PDE4D: variants seen among roughly 807,000 people sequenced by gnomAD.
PDE4D encodes 3',5'-cyclic-AMP phosphodiesterase 4D.
A neutral mutation model predicts 87.4 loss-of-function variants in PDE4D; 24 were observed. The observed-to-expected ratio is 0.27, with a 90% CI of 0.20 to 0.39. PDE4D has a LOEUF of 0.39. Among genes scored for constraint, PDE4D ranks in the 10% least tolerant of loss-of-function variants. PDE4D has a pLI of 1.00. For missense variants in PDE4D, 714 were observed against 1,041.0 expected (o/e 0.69, Z 4.32); for synonymous variants, 384 against 383.2 (o/e 1.00, Z -0.02).
At chr5:59,639,116 AT>A (rs1474048654) in intron 1 of PDE4D, among the ~76,000 whole-genome samples, 8 of 152,234 alleles carry the variant, frequency 5.3e-5, no homozygotes, top group African/African-American at 1.9e-4. Flanking sequence ...TTATTTAATA[AT>A]TTTTTATAAT....
chr5:59,979,397 ATATC>A (rs1047059791), intron 3 of PDE4D, among the ~76,000 whole-genome samples: 3 of 137,384 alleles, frequency 2.2e-5, no homozygotes, highest in African/African-American at 7.6e-5. Flanking sequence ...TTTAATATCT[ATATC>A]TAGCTTTCAC....
intron 3 of PDE4D, among the ~76,000 whole-genome samples, chr5:59,955,315 T>C (rs968817874): frequency 6.6e-6 from 1 of 152,190 alleles, no homozygotes; most frequent in Non-Finnish European, 1.5e-5. Flanking sequence ...CAAGTAGTGA[T>C]CATTTCAACT....
chr5:59,426,394 C>A (rs1302528728), intron 1 of PDE4D, among the ~76,000 whole-genome samples: 2 of 152,192 alleles, frequency 1.3e-5, no homozygotes, highest in African/African-American at 4.8e-5. Context: ...CTCACACTTA[C>A]TGTATTCCTT....
intron 1 of PDE4D, among the ~76,000 whole-genome samples, chr5:59,497,302 C>T (rs556601447): frequency 1.1e-4 from 16 of 152,230 alleles, no homozygotes; most frequent in African/African-American, 3.4e-4. Flanking sequence ...TTACCACCTC[C>T]AGAGAATCTC....
At chr5:59,768,712 C>G (rs1012666256) in intron 1 of PDE4D, 2 of 1,270,658 alleles carry the variant, frequency 1.6e-6, no homozygotes, top group African/African-American at 3.0e-5. Flanking sequence ...TAAACGTCAC[C>G]CCTCCTCTCC....
intron 2 of PDE4D, among the ~76,000 whole-genome samples, chr5:60,108,553 T>C (rs1192494652): frequency 6.6e-6 from 1 of 152,108 alleles, no homozygotes; most frequent in African/African-American, 2.4e-5. Flanking sequence ...CGTTGCCAAA[T>C]GAATCCTAAG....
At position 60,274,339 on chromosome 5, in the gene PDE4D, C is replaced by CGTT. The variant is rs34740331; in HGVS notation, c.-89-88655_-89-88653dup. 2.3e-3 allele frequency among the ~76,000 whole-genome samples: 344 copies of CGTT among 150,272 alleles called. 3 individuals carry two copies. The highest frequency in any genetic ancestry group is 5.1e-3 in the African/African-American group (207 of 40,872). ...TTGTTGTTATTTGTTTGGTTCTTGT[C>CGTT]GTTGTTGTTGTTGTTGTTGTTGTTG... is the stretch of plus-strand genomic sequence containing the variant. On this transcript the variant is annotated intron_variant, in intron 1 of 16. Coordinates refer to the PDE4D transcript ENST00000502484.
intron 2 of PDE4D, among the ~76,000 whole-genome samples, chr5:60,085,520 T>C (rs141209925): frequency 9.2e-4 from 140 of 152,226 alleles, no homozygotes; most frequent in Admixed American, 2.8e-3. Flanking sequence ...AGCAGATATA[T>C]TGATAATGGG....
At chr5:59,073,507 C>CG (rs56301552) in intron 5 of PDE4D, among the ~76,000 whole-genome samples, 5,219 of 38,138 alleles carry the variant, frequency 0.14, 469 homozygotes, top group African/African-American at 0.33. Flanking sequence ...AAGTGGGGGG[C>CG]GGGGGGGGCG....
intron 1 of PDE4D, among the ~76,000 whole-genome samples, chr5:60,320,314 T>C (rs1234576985): frequency 2.6e-5 from 4 of 152,234 alleles, no homozygotes; most frequent in African/African-American, 7.2e-5. Context: ...GTGTGCCATT[T>C]GCTAAGACTG....
chr5:60,250,904 C>T (rs1311894794), intron 1 of PDE4D, among the ~76,000 whole-genome samples: 1 of 151,754 alleles, frequency 6.6e-6, no homozygotes, highest in Non-Finnish European at 1.5e-5. Context: ...TGTTATTGCC[C>T]CTGAAAATCT....
intron 1 of PDE4D, among the ~76,000 whole-genome samples, chr5:60,504,112 T>A (rs999556553): frequency 1.3e-5 from 2 of 152,192 alleles, no homozygotes; most frequent in African/African-American, 4.8e-5. Context: ...GGGCTTCCTA[T>A]CCGACCCATC....
intron 1 of PDE4D, among the ~76,000 whole-genome samples, chr5:60,258,569 T>C (rs918526045): frequency 1.3e-5 from 2 of 151,996 alleles, no homozygotes; most frequent in African/African-American, 4.8e-5. Flanking sequence ...CAATAAGTGT[T>C]TGATGCTTTG....
chr5:60,231,071 A>G (rs1745751116), intron 1 of PDE4D, among the ~76,000 whole-genome samples: 1 of 152,074 alleles, frequency 6.6e-6, no homozygotes, highest in African/African-American at 2.4e-5. Context: ...AAAAAGAAAT[A>G]TAATTGGGAA....
Position 60,458,030 on chromosome 5 carries a change from G to A in PDE4D, c.-90+29912C>T, listed in dbSNP as rs191171182. ...GCTATGAGCCATCCAGTTGCTACTGGACAGTTTCTATTTTCAAATTACCAC... is the reference window on the plus strand; with the variant it reads ...GCTATGAGCCATCCAGTTGCTACTGAACAGTTTCTATTTTCAAATTACCAC... On this transcript the variant is annotated intron_variant, in intron 1 of 16. Transcript: ENST00000502484. Among the ~76,000 whole-genome samples, 184 of 152,218 alleles carry A rather than the reference G, an allele frequency of 1.2e-3. 1 individual carries two copies. The highest frequency in any genetic ancestry group is 4.4e-3 in the African/African-American group (182 of 41,528).
chr5:60,027,927 A>AG (rs1766809817), intron 2 of PDE4D, among the ~76,000 whole-genome samples: 1 of 152,200 alleles, frequency 6.6e-6, no homozygotes, highest in Non-Finnish European at 1.5e-5. Context: ...TGTTCTGGGT[A>AG]TTGTGAATGA....
At chr5:59,465,978 A>G (rs1801532836) in intron 1 of PDE4D, among the ~76,000 whole-genome samples, 1 of 152,102 alleles carries the variant, frequency 6.6e-6, no homozygotes, top group African/African-American at 2.4e-5. Flanking sequence ...GTTTTTTTAG[A>G]ATTTTCTATA....
intron 1 of PDE4D, among the ~76,000 whole-genome samples, chr5:59,738,354 T>C (rs1326167377): frequency 6.6e-6 from 1 of 151,938 alleles, no homozygotes; most frequent in Non-Finnish European, 1.5e-5. Context: ...ACAAAAAGAG[T>C]TCCTTTCCCC....
At chr5:59,066,985 G>GTAAT (rs1561422518) in intron 5 of PDE4D, among the ~76,000 whole-genome samples, 1 of 127,616 alleles carries the variant, frequency 7.8e-6, no homozygotes. Context: ...CACCCAGCTC[G>GTAAT]TGATTTATTT....
Sources: allele counts gnomAD v4.1 joint callset (sites outside exome capture counted in the v4.1 genomes callset), GRCh38; gene constraint gnomAD v4.1.1; transcripts MANE v1.5; gene names NCBI Gene and HGNC (gene_info 2026-07-23, HGNC 2026-07-21).